The following PCDH11X variants were observed in gnomAD, a reference collection of about 807,000 sequenced individuals.
The protein encoded by PCDH11X is protocadherin 11 X-linked.
PCDH11X carries 18 observed loss-of-function variants against 53.3 expected under a neutral mutation model. That is an observed-to-expected ratio of 0.34 (90% CI 0.23 to 0.50). The LOEUF is 0.50. Ranked by LOEUF, PCDH11X falls within the 20% of genes least tolerant of loss-of-function variation. The probability of loss-of-function intolerance (pLI) is 0.98; values close to 1 mark genes in which losing one functional copy is unlikely to be tolerated. For synonymous variants in PCDH11X, 279 were observed against 393.3 expected (o/e 0.71, Z 3.44); for missense variants, 570 against 1,032.4 (o/e 0.55, Z 6.14).
chrX:91,864,614 A>G (rs940524271), intron 5 of PCDH11X, among the ~76,000 whole-genome samples: 1 of 95,247 alleles, frequency 1.0e-5, no homozygotes, highest in Non-Finnish European at 2.1e-5. Flanking sequence ...CTCTTTCTCT[A>G]CCTCCTCTTT....
At chrX:91,924,293 G>T (rs1423255597) in intron 6 of PCDH11X, among the ~76,000 whole-genome samples, 1 of 110,882 alleles carries the variant, frequency 9.0e-6, no homozygotes, top group Non-Finnish European at 1.9e-5. Context: ...TAGAAGAACT[G>T]ACCTGCTCTT....
At chrX:92,356,353 A>G (rs779939258) in intron 8 of PCDH11X, among the ~76,000 whole-genome samples, 1 of 104,710 alleles carries the variant, frequency 9.6e-6, no homozygotes, top group East Asian at 2.9e-4. Context: ...TAGCTCTAAT[A>G]TGCCTGGCTA....
intron 1 of PCDH11X, among the ~76,000 whole-genome samples, chrX:91,784,982 C>G (rs2147509753): frequency 9.2e-6 from 1 of 108,412 alleles, no homozygotes; most frequent in East Asian, 2.9e-4. Context: ...AGTGGAATTC[C>G]TTCAATTTGT....
intron 10 of PCDH11X, among the ~76,000 whole-genome samples, chrX:92,484,346 ACTT>A (rs2073596465): frequency 9.7e-6 from 1 of 103,072 alleles, no homozygotes; most frequent in Non-Finnish European, 2.0e-5. Context: ...TGGTACATCT[ACTT>A]TTAGTTCTTT....
At chrX:91,857,790 T>C (rs1281210584) in intron 5 of PCDH11X, among the ~76,000 whole-genome samples, 1 of 112,108 alleles carries the variant, frequency 8.9e-6, no homozygotes, top group Non-Finnish European at 1.9e-5. Flanking sequence ...CTTTGCAGGG[T>C]ACAGCCCCTC....
chrX:92,094,262 GA>G (rs1163095810), intron 6 of PCDH11X, among the ~76,000 whole-genome samples: 3 of 104,442 alleles, frequency 2.9e-5, no homozygotes, highest in South Asian at 4.2e-4. Flanking sequence ...TTAAATAACT[GA>G]AAAAAAAATG....
chrX:92,207,669 G>A (rs2066499929), intron 7 of PCDH11X, among the ~76,000 whole-genome samples: 2 of 111,560 alleles, frequency 1.8e-5, no homozygotes, highest in Non-Finnish European at 3.8e-5. Context: ...TGGAATAATA[G>A]CACTAGACAA....
intron 8 of PCDH11X, among the ~76,000 whole-genome samples, chrX:92,313,380 C>G (rs2068997173): frequency 9.2e-6 from 1 of 108,581 alleles, no homozygotes; most frequent in African/African-American, 3.3e-5. Context: ...GAAGACAAAC[C>G]TACATCTGGC....
At chrX:92,199,530 C>T (rs917330641) in intron 6 of PCDH11X, among the ~76,000 whole-genome samples, 1 of 111,478 alleles carries the variant, frequency 9.0e-6, no homozygotes, top group African/African-American at 3.3e-5. Context: ...TTAAAACAGT[C>T]AAGCATAAAT....
chrX:92,285,985 G>C lies in PCDH11X; in HGVS notation c.3144+22842G>C, dbSNP rs934624595. ...GGAACATGTCCTTAAGGCACAGATC[G>C]CTCATGCTATTGTTTGTGGTTTAGG... is the stretch of plus-strand genomic sequence containing the variant. On this transcript the variant is annotated intron_variant, in intron 8 of 10. Transcript: ENST00000682573. Among the ~76,000 whole-genome samples, 11 of 112,603 alleles carry C rather than the reference G, an allele frequency of 9.8e-5. No homozygotes were observed. In the East Asian group the frequency reaches 2.3e-3, roughly 23 times the overall value.
intron 10 of PCDH11X, among the ~76,000 whole-genome samples, chrX:92,522,858 A>C (rs1157093929): frequency 8.9e-6 from 1 of 111,930 alleles, no homozygotes; most frequent in Admixed American, 9.5e-5. Context: ...AAAACAAAAA[A>C]TCAAGGCCAA....
chrX:92,291,222 A>G (rs946971084), intron 8 of PCDH11X, among the ~76,000 whole-genome samples: 17 of 101,773 alleles, frequency 1.7e-4, no homozygotes, highest in Non-Finnish European at 2.0e-5. Context: ...GAAATTTTTC[A>G]TTTGTTAAAG....
chrX:91,812,970 C>T (rs7882192), intron 4 of PCDH11X, among the ~76,000 whole-genome samples: 6,581 of 111,262 alleles, frequency 0.059, 511 homozygotes, highest in African/African-American at 0.2. Flanking sequence ...TTCTTTATTG[C>T]GGCATTATAT....
chrX:92,017,376 A>G (rs1469207786), intron 6 of PCDH11X, among the ~76,000 whole-genome samples: 6 of 110,178 alleles, frequency 5.4e-5, no homozygotes, highest in African/African-American at 2.0e-4. Flanking sequence ...AATTATGAAA[A>G]AGAGCGCTGA....
chrX:92,160,631 AT>A (rs1342184724), intron 6 of PCDH11X, among the ~76,000 whole-genome samples: 5 of 78,645 alleles, frequency 6.4e-5, no homozygotes, highest in South Asian at 1.1e-3. Context: ...ATGTGCAGGT[AT>A]TTTTTTTTCT....
chrX:92,178,019 GAGA>G (rs1289109788), intron 6 of PCDH11X, among the ~76,000 whole-genome samples: 1 of 110,978 alleles, frequency 9.0e-6, no homozygotes, highest in Non-Finnish European at 1.9e-5. Context: ...CTTTGTTTCA[GAGA>G]AGGATTAGAA....
At chrX:92,280,409 G>A (rs759821752) in intron 8 of PCDH11X, among the ~76,000 whole-genome samples, 5 of 109,823 alleles carry the variant, frequency 4.6e-5, no homozygotes, top group South Asian at 3.9e-4. Context: ...TTAGCTGGGC[G>A]TGGTGGTGCG....
chrX:92,412,657 AC>A (rs1162155204), intron 9 of PCDH11X, among the ~76,000 whole-genome samples: 4 of 103,973 alleles, frequency 3.8e-5, no homozygotes, highest in Non-Finnish European at 5.9e-5. Context: ...ATAGGAGTTC[AC>A]ACAATCTTGC....
chrX:92,071,450 T>C (rs1387608136), intron 6 of PCDH11X, among the ~76,000 whole-genome samples: 1 of 111,951 alleles, frequency 8.9e-6, no homozygotes, highest in Non-Finnish European at 1.9e-5. Flanking sequence ...TTCTCCAGGA[T>C]TGGTCCCTGG....
Sources: gnomAD v4.1 joint callset for allele counts (sites outside exome capture counted in the v4.1 genomes callset) on GRCh38, gnomAD v4.1.1 for gene constraint, MANE v1.5 for transcripts, NCBI Gene and HGNC (gene_info 2026-07-23, HGNC 2026-07-21) for gene names.